MRPS5: variants seen among roughly 807,000 people sequenced by gnomAD.
MRPS5 encodes mitochondrial ribosomal protein S5.
MRPS5 carries 27 observed loss-of-function variants against 51.9 expected under a neutral mutation model. That is an observed-to-expected ratio of 0.52 (90% confidence interval 0.38 to 0.72). The LOEUF is 0.72. Ranked by LOEUF, MRPS5 falls within the 30% of genes least tolerant of loss-of-function variation. MRPS5 has a pLI of 0.00. For missense variants in MRPS5, 570 were observed against 545.7 expected, an observed-to-expected ratio of 1.04 and a Z score of -0.44; for synonymous variants, 196 against 193.2, an observed-to-expected ratio of 1.01 and a Z score of -0.12.
At chr2:95,090,262 A>T (rs1675423005) in intron 11 of MRPS5, 124 bp downstream of exon 11, 7 of 846,490 alleles carry the variant, frequency 8.3e-6, no homozygotes, top group Non-Finnish European at 1.1e-5. Flanking sequence ...GACAACAAAG[A>T]ATGCCCAACT....
At chr2:95,101,595 T>C (rs1675804043) in intron 8 of MRPS5, 82 bp downstream of exon 8, 2 of 1,109,270 alleles carry the variant, frequency 1.8e-6, no homozygotes, top group East Asian at 5.0e-5. Flanking sequence ...CAAATTATTA[T>C]TGTTTTGTGG....
intron 8 of MRPS5, 94 bp downstream of exon 8, chr2:95,101,583 G>T: frequency 1.9e-6 from 2 of 1,032,596 alleles, no homozygotes; most frequent in South Asian, 1.7e-5. Context: ...AAGGTTCTGG[G>T]ACAAATTATT....
At chr2:95,121,927 C>CCGGGGTGAG, upstream of MRPS5, 1 of 1,048,062 alleles carries the variant, frequency 9.5e-7, no homozygotes, top group African/African-American at 1.7e-5. Flanking sequence ...GCAGCGCAGG[C>CCGGGGTGAG]CGGGGTGAGG....
chr2:95,118,516 G>A (rs1428384498), intron 1 of MRPS5, among the ~76,000 whole-genome samples: 2 of 152,224 alleles, frequency 1.3e-5, no homozygotes, highest in Non-Finnish European at 2.9e-5. Context: ...TGAACCTACT[G>A]TGCTCTCGCA....
chr2:95,113,939 G>A (rs1393734332), intron 3 of MRPS5, among the ~76,000 whole-genome samples: 1 of 151,538 alleles, frequency 6.6e-6, no homozygotes, highest in Non-Finnish European at 1.5e-5. Flanking sequence ...GGCCAACATG[G>A]TGGAACCCCA....
intron 10 of MRPS5, chr2:95,091,196 C>T (rs1558675464): frequency 6.5e-6 from 1 of 152,852 alleles, no homozygotes; most frequent in Non-Finnish European, 1.5e-5. Context: ...TGAGTCCTGC[C>T]CGCCCACCTC....
chr2:95,085,871 G>A lies in MRPS5; in HGVS notation c.*1486C>T, dbSNP rs1675274846. ...AACTTGAATGAGAAAAAACCTCAAG[G>A]GATGTCAACACTAAGATGACACAGA... is the stretch of plus-strand genomic sequence containing the variant. On this transcript the variant is annotated 3_prime_UTR_variant, in exon 12 of 12. Coordinates refer to ENST00000272418, the MANE Select transcript of MRPS5 (RefSeq NM_031902.5). 6.6e-6 allele frequency among the ~76,000 whole-genome samples: 1 copy of A among 151,914 alleles called. No homozygotes were observed. Among genetic ancestry groups the A allele is most frequent in the South Asian group, 2.1e-4 (1 of 4,818 alleles).
intron 10 of MRPS5, among the ~76,000 whole-genome samples, chr2:95,099,129 A>G (rs1243130558): frequency 6.6e-6 from 1 of 151,680 alleles, no homozygotes; most frequent in Non-Finnish European, 1.5e-5. Flanking sequence ...CATGTCAGCC[A>G]AGATGGTCTC....
chr2:95,104,854 T>C lies in MRPS5; in HGVS notation c.673-124A>G, dbSNP rs542776152. On this transcript the variant is annotated intron_variant, in intron 6 of 11. Coordinates refer to ENST00000272418, the MANE Select transcript of MRPS5 (RefSeq NM_031902.5). ...GCACACACAGAGAACAGGCACACCATCCTCCAACTCCTGAGCACAAGTAAC... is the reference window on the plus strand; with the variant it reads ...GCACACACAGAGAACAGGCACACCACCCTCCAACTCCTGAGCACAAGTAAC... The C allele has an allele frequency of 4.2e-6, 3 of 716,456 alleles. No individual in the cohort carries two copies. In the East Asian group the frequency reaches 8.2e-5, roughly 19 times the overall value. 44.4% of individuals were successfully genotyped at this position (716,456 alleles called of 1,614,324 possible). A position where few individuals can be genotyped will look rare whatever the true frequency, so the allele number is the denominator to read the frequency against.
In MRPS5 at chr2:95,087,531, G is replaced by T; in HGVS notation, c.1119C>A (p.Ile373=). The change falls in exon 12 of 12, where the codon ATC becomes ATA. Residue 373 remains isoleucine (I), a synonymous_variant. Coordinates refer to ENST00000272418, the MANE Select transcript of MRPS5 (RefSeq NM_031902.5). ...TGGGCAGAGGGCCACATTCCTCCCG[G>T]ATTTCCACAACATGGAGGCCCTTCT... The part of the protein sequence containing the change: ...ADKKGLHVVE[I]REECGPLPIV... 6.2e-7 allele frequency: 1 copy of T among 1,614,172 alleles called. No individual in the cohort carries two copies. The highest frequency in any genetic ancestry group is 8.5e-7 in the Non-Finnish European group (1 of 1,180,022).
chr2:95,118,801 A>G (rs915118903), intron 1 of MRPS5, among the ~76,000 whole-genome samples: 4 of 152,204 alleles, frequency 2.6e-5, no homozygotes, highest in Non-Finnish European at 5.9e-5. Flanking sequence ...TCAACATGTA[A>G]AAGAATGAAG....
chr2:95,109,596 C>G (rs1443648557), intron 4 of MRPS5, among the ~76,000 whole-genome samples: 1 of 152,246 alleles, frequency 6.6e-6, no homozygotes, highest in East Asian at 1.9e-4. Context: ...TTACTATCTT[C>G]CCTTTGCAGG....
intron 1 of MRPS5, among the ~76,000 whole-genome samples, chr2:95,120,963 C>CA (rs1162920836): frequency 6.6e-6 from 1 of 151,982 alleles, no homozygotes; most frequent in Admixed American, 6.6e-5. Flanking sequence ...ACTAAAAATA[C>CA]AAAAATTAGC....
rs1181288960 is a variant in MRPS5, at chr2:95,085,737, T to G, written c.*1620A>C. 6.6e-6 allele frequency among the ~76,000 whole-genome samples: 1 copy of G among 152,026 alleles called. No individual in the cohort carries two copies. Among genetic ancestry groups the G allele is most frequent in the Admixed American group, 6.6e-5 (1 of 15,266 alleles). ...AGTGCCCCATCCCATACCAGCACCGTCAGAGGAAGCATGCTGAGAGATTTA... is the reference window on the plus strand; with the variant it reads ...AGTGCCCCATCCCATACCAGCACCGGCAGAGGAAGCATGCTGAGAGATTTA... On this transcript the variant is annotated 3_prime_UTR_variant, in exon 12 of 12. Transcript: ENST00000272418.
intron 7 of MRPS5, chr2:95,104,311 C>T (rs1248832705): frequency 2.1e-5 from 7 of 331,902 alleles, no homozygotes; most frequent in Non-Finnish European, 2.9e-5. Flanking sequence ...CAGTGTATGG[C>T]TACACTGTTT....
intron 11 of MRPS5, 77 bp from the exon 12 acceptor site, chr2:95,087,658 A>G (rs1675336783): frequency 8.1e-7 from 1 of 1,234,768 alleles, no homozygotes; most frequent in East Asian, 2.4e-5. Flanking sequence ...TCCACAGGCC[A>G]CAACAGTACA....
At chr2:95,105,028 A>T (rs1415719339) in intron 6 of MRPS5, among the ~76,000 whole-genome samples, 2 of 152,238 alleles carry the variant, frequency 1.3e-5, no homozygotes, top group Admixed American at 1.3e-4. Context: ...ATCTTAATGA[A>T]TGTATTACAA....
intron 5 of MRPS5, 51 bp downstream of exon 5, chr2:95,108,124 A>C (rs1233034432): frequency 6.6e-7 from 1 of 1,515,716 alleles, no homozygotes; most frequent in Non-Finnish European, 9.2e-7. Context: ...GGAAATTCTA[A>C]ACTACAAGTA....
At chr2:95,121,990 CCCCGCGGGCGCCT>C, upstream of MRPS5, 1 of 570,082 alleles carries the variant, frequency 1.8e-6, no homozygotes, top group Non-Finnish European at 2.8e-6. Flanking sequence ...CCGCGGACAG[CCCCGCGGGCGCCT>C]CCCGTTAGGA....
Sources: allele counts gnomAD v4.1 joint callset (sites outside exome capture counted in the v4.1 genomes callset), GRCh38; gene constraint gnomAD v4.1.1; transcripts MANE v1.5; gene names NCBI Gene and HGNC (gene_info 2026-07-23, HGNC 2026-07-21).